CHL1: variants seen among roughly 807,000 people sequenced by gnomAD.
The protein encoded by CHL1 is cell adhesion molecule L1 like.
Under a neutral mutation model 141.9 loss-of-function variants are expected in CHL1, and 96 were observed. The ratio of observed to expected loss-of-function variants is 0.68; its 90% CI spans 0.57 to 0.80. The LOEUF is 0.80. Ranked by LOEUF, CHL1 falls within the 30% of genes least tolerant of loss-of-function variation. The probability of loss-of-function intolerance (pLI) is 0.00; values close to 1 mark genes in which losing one functional copy is unlikely to be tolerated. For synonymous variants in CHL1, 613 were observed against 502.2 expected (o/e 1.22, Z -2.95); for missense variants, 1,820 against 1,457.2 (o/e 1.25, Z -4.05).
At chr3:379,916 C>T (rs1223863158) in intron 16 of CHL1, among the ~76,000 whole-genome samples, 1 of 151,724 alleles carries the variant, frequency 6.6e-6, no homozygotes, top group Non-Finnish European at 1.5e-5. Flanking sequence ...TATGTTTTAC[C>T]CCCTGGAAAA....
chr3:395,705 A>G (rs73814751), intron 24 of CHL1, among the ~76,000 whole-genome samples: 1,536 of 152,376 alleles, frequency 0.01, 18 homozygotes, highest in Middle Eastern at 0.027. Flanking sequence ...AGTGTGGTGC[A>G]AAAGTAATTG....
At chr3:226,415 C>G (rs1016306446) in intron 1 of CHL1, among the ~76,000 whole-genome samples, 1 of 145,556 alleles carries the variant, frequency 6.9e-6, no homozygotes, top group African/African-American at 2.5e-5. Flanking sequence ...TATAATTATA[C>G]ACACATATAT....
intron 2 of CHL1, among the ~76,000 whole-genome samples, chr3:288,411 C>G (rs1697367269): frequency 6.6e-6 from 1 of 151,732 alleles, no homozygotes; most frequent in Non-Finnish European, 1.5e-5. Flanking sequence ...TAATTAGCAA[C>G]TGGTTACAGT....
chr3:309,630 C>T (rs908609307), intron 2 of CHL1, among the ~76,000 whole-genome samples: 3 of 151,918 alleles, frequency 2.0e-5, no homozygotes, highest in Non-Finnish European at 4.4e-5. Context: ...CAACCTTGGC[C>T]TCCTGAGAAG....
intron 1 of CHL1, among the ~76,000 whole-genome samples, chr3:218,518 G>C (rs888201287): frequency 4.6e-5 from 7 of 152,170 alleles, no homozygotes; most frequent in African/African-American, 1.7e-4. Flanking sequence ...TCATTGAAAG[G>C]TTTACTGAAT....
chr3:316,571 G>T (rs1016398118), intron 2 of CHL1, among the ~76,000 whole-genome samples: 3 of 151,994 alleles, frequency 2.0e-5, no homozygotes, highest in Non-Finnish European at 4.4e-5. Context: ...GATCTGAGTT[G>T]ATATCATTAA....
intron 2 of CHL1, among the ~76,000 whole-genome samples, chr3:272,030 T>C (rs532861185): frequency 6.6e-6 from 1 of 152,364 alleles, no homozygotes; most frequent in East Asian, 1.9e-4. Flanking sequence ...TGTAGCATGA[T>C]TTAATAGAAT....
chr3:394,506 C>A (rs985827861), intron 23 of CHL1, among the ~76,000 whole-genome samples, 187 bp from the exon 24 acceptor site: 11 of 152,000 alleles, frequency 7.2e-5, no homozygotes, highest in African/African-American at 2.7e-4. Context: ...TCTTGCGAGA[C>A]CTCAGTTTTG....
At chr3:288,354 G>GT (rs1697361825) in intron 2 of CHL1, among the ~76,000 whole-genome samples, 2 of 150,988 alleles carry the variant, frequency 1.3e-5, no homozygotes, top group South Asian at 4.2e-4. Context: ...ATATATACAG[G>GT]CATAATTTAC....
At chr3:198,366 A>G (rs1698592440) in intron 1 of CHL1, among the ~76,000 whole-genome samples, 2 of 151,766 alleles carry the variant, frequency 1.3e-5, no homozygotes, top group African/African-American at 4.8e-5. Flanking sequence ...CTCCCGCGGG[A>G]ACGCGCCGTG....
intron 5 of CHL1, among the ~76,000 whole-genome samples, chr3:339,716 G>C (rs1702214897): frequency 6.6e-6 from 1 of 152,206 alleles, no homozygotes; most frequent in Non-Finnish European, 1.5e-5. Flanking sequence ...TAAAGGCATG[G>C]ATGGGGGTTG....
At chr3:308,136 T>C (rs1699410464) in intron 2 of CHL1, among the ~76,000 whole-genome samples, 1 of 152,218 alleles carries the variant, frequency 6.6e-6, no homozygotes. Context: ...TTTCAGAAAG[T>C]TTAATTTCTG....
At chr3:345,152 G>A (rs1233113646) in intron 9 of CHL1, among the ~76,000 whole-genome samples, 2 of 152,088 alleles carry the variant, frequency 1.3e-5, no homozygotes, top group African/African-American at 4.8e-5. Context: ...GTGGATGGAG[G>A]GGATGATGAT....
rs1707171272 is a variant in CHL1 at position 382,499 on chromosome 3, C to G, written c.2004C>G (p.Asn668Lys). 3.1e-6 allele frequency: 5 copies of G among 1,613,538 alleles called. No homozygotes were observed. The highest frequency in any genetic ancestry group is 4.2e-6 in the Non-Finnish European group (5 of 1,179,614). Residue 668 changes from asparagine (N) to lysine (K), a missense_variant, in exon 18 of 28, where the codon AAC (asparagine) becomes AAG (lysine). Transcript: ENST00000256509. ...ISEYIVEFEG[N>K]KEEPGRWEEL... ...AGTATATTGTTGAATTTGAAGGAAA[C>G]AAAGAAGAGCCTGGAAGGTGGGAGG...
intron 2 of CHL1, among the ~76,000 whole-genome samples, chr3:275,741 C>A (rs147151327): frequency 1.3e-5 from 2 of 152,026 alleles, no homozygotes; most frequent in Non-Finnish European, 2.9e-5. Context: ...AATGAGAAAT[C>A]TTTATTTGCT....
chr3:215,270 T>A (rs1488132715), intron 1 of CHL1, among the ~76,000 whole-genome samples: 1 of 152,118 alleles, frequency 6.6e-6, no homozygotes, highest in East Asian at 1.9e-4. Flanking sequence ...GTAACATGGA[T>A]GAATCTAGAG....
rs1382400969 is a variant in CHL1 at position 365,949 on chromosome 3, G to C, written c.1586-1G>C. 3 of 1,610,980 alleles carry C rather than the reference G, an allele frequency of 1.9e-6. No individual in the cohort carries two copies. The highest frequency in any genetic ancestry group is 1.3e-5 in the African/African-American group (1 of 74,798). ...CTAATATCTTTGTTTGGTAAAAACA[G>C]ATGCTACAAAACTTAGAGTTTCTCC... On this transcript the variant is annotated splice_acceptor_variant, in intron 14 of 27. Coordinates refer to ENST00000256509, the MANE Select transcript of CHL1 (RefSeq NM_006614.4). LOFTEE classifies it high-confidence loss of function.
intron 2 of CHL1, among the ~76,000 whole-genome samples, chr3:285,311 A>C (rs1229950265): frequency 2.0e-5 from 3 of 152,190 alleles, no homozygotes. Context: ...ATTTAAATGG[A>C]ATCTGATGAA....
intron 1 of CHL1, among the ~76,000 whole-genome samples, chr3:243,552 G>A (rs781396866): frequency 2.6e-4 from 40 of 152,152 alleles, no homozygotes; most frequent in Non-Finnish European, 1.2e-4. Context: ...AAGCAGTGAC[G>A]ACTTTTCTTA....
Sources: gnomAD v4.1 joint callset for allele counts (sites outside exome capture counted in the v4.1 genomes callset) on GRCh38, gnomAD v4.1.1 for gene constraint, MANE v1.5 for transcripts, NCBI Gene and HGNC (gene_info 2026-07-23, HGNC 2026-07-21) for gene names.